The following CACNA1C variants were observed in gnomAD, a reference collection of about 807,000 sequenced individuals.
The protein encoded by CACNA1C is voltage-dependent L-type calcium channel subunit alpha-1C.
In CACNA1C, 30 loss-of-function variants were observed where a neutral mutation model predicts 229.0. That is an observed-to-expected ratio of 0.13 (90% CI 0.10 to 0.18). CACNA1C has a LOEUF of 0.18. CACNA1C is among the 10% of genes least tolerant of loss of function. The pLI is 1.00. For missense variants in CACNA1C, 1,658 were observed against 2,845.0 expected (o/e 0.58, Z 9.49); for synonymous variants, 1,114 against 1,132.5 (o/e 0.98, Z 0.33).
intron 8 of CACNA1C, among the ~76,000 whole-genome samples, chr12:2,510,915 A>ATC: frequency 6.6e-6 from 1 of 152,220 alleles, no homozygotes; most frequent in Non-Finnish European, 1.5e-5. Context: ...CGAAGGCTTA[A>ATC]CCAGGTACAG....
At chr12:2,188,645 G>A (rs2097118107) in intron 3 of CACNA1C, among the ~76,000 whole-genome samples, 1 of 151,902 alleles carries the variant, frequency 6.6e-6, no homozygotes, top group African/African-American at 2.4e-5. Flanking sequence ...ATTGATATTC[G>A]GTTTTTAGGC....
intron 1 of CACNA1C, among the ~76,000 whole-genome samples, chr12:2,100,685 G>A (rs1395172331): frequency 6.6e-6 from 1 of 151,504 alleles, no homozygotes; most frequent in Admixed American, 6.6e-5. Flanking sequence ...TGAGCCCAGG[G>A]AGGTTGAGGC....
In CACNA1C at chr12:2,115,249, C is replaced by A. The variant is rs773869181; in HGVS notation, c.75C>A (p.Pro25=). 6.3e-7 allele frequency: 1 copy of A among 1,583,644 alleles called. No homozygotes were observed. The highest frequency in any genetic ancestry group is 2.3e-5 in the East Asian group (1 of 43,508). The change falls in exon 2 of 47, where the codon CCC becomes CCA. Residue 25 remains proline, a synonymous_variant. Coordinates refer to ENST00000399655, the MANE Select transcript of CACNA1C (RefSeq NM_000719.7). ...GTTCCAACTATGGGAGCCCACGCCC[C>A]GCCCATGCCAACATGAATGCCAATG... The part of the protein sequence containing the change: ...HQGSNYGSPR[P]AHANMNANAA...
intron 1 of CACNA1C, chr12:1,993,508 T>C (rs1593255034): frequency 2.3e-6 from 3 of 1,278,324 alleles, no homozygotes; most frequent in South Asian, 1.5e-5. Context: ...TGCAGCTTTA[T>C]ATAAGCAGCC....
At chr12:2,672,992 G>T (rs890600602) in intron 38 of CACNA1C, among the ~76,000 whole-genome samples, 3 of 152,140 alleles carry the variant, frequency 2.0e-5, no homozygotes, top group African/African-American at 7.2e-5. Flanking sequence ...TCGGGATTCC[G>T]TCAATCCCTC....
intron 3 of CACNA1C, among the ~76,000 whole-genome samples, chr12:2,382,734 G>T (rs988691000): frequency 6.6e-6 from 1 of 152,148 alleles, no homozygotes; most frequent in African/African-American, 2.4e-5. Flanking sequence ...AATGTATTTT[G>T]CCCTGGGCAC....
chr12:1,983,621 A>G (rs764329746), intron 1 of CACNA1C, among the ~76,000 whole-genome samples: 39 of 152,008 alleles, frequency 2.6e-4, no homozygotes, highest in Non-Finnish European at 5.4e-4. Context: ...AAAATTTTTA[A>G]GGTTTGCTTT....
chr12:2,393,332 G>A (rs888691527), intron 3 of CACNA1C, among the ~76,000 whole-genome samples: 31 of 152,300 alleles, frequency 2.0e-4, no homozygotes, highest in African/African-American at 7.2e-4. Flanking sequence ...CTAGCTCTAG[G>A]CCTGGACCAT....
chr12:2,624,047 T>C (rs948514887), intron 29 of CACNA1C, among the ~76,000 whole-genome samples: 4 of 152,044 alleles, frequency 2.6e-5, no homozygotes, highest in Admixed American at 2.0e-4. Flanking sequence ...CAGTGAGAGG[T>C]GCTGGGCCCT....
chr12:2,271,771 C>G (rs966639266), intron 3 of CACNA1C, among the ~76,000 whole-genome samples: 8 of 151,970 alleles, frequency 5.3e-5, no homozygotes, highest in Admixed American at 1.3e-4. Context: ...TGGTGCATGC[C>G]TGTAGTCCCA....
intron 9 of CACNA1C, among the ~76,000 whole-genome samples, chr12:2,528,883 T>C (rs539329271): frequency 1.3e-4 from 20 of 152,204 alleles, no homozygotes; most frequent in African/African-American, 3.1e-4. Flanking sequence ...TGAGGATGGA[T>C]GTTTGGGCCC....
At chr12:2,236,371 C>T (rs939612459) in intron 3 of CACNA1C, among the ~76,000 whole-genome samples, 1 of 152,196 alleles carries the variant, frequency 6.6e-6, no homozygotes, top group Non-Finnish European at 1.5e-5. Flanking sequence ...ACTAATTTCA[C>T]TGTCAGATTG....
intron 3 of CACNA1C, among the ~76,000 whole-genome samples, chr12:2,220,323 A>G (rs1484871970): frequency 6.6e-6 from 1 of 152,228 alleles, no homozygotes; most frequent in Non-Finnish European, 1.5e-5. Flanking sequence ...AGGCCTGTGC[A>G]TGCTAACGCA....
chr12:2,377,597 A>G (rs1397307927), intron 3 of CACNA1C, among the ~76,000 whole-genome samples: 1 of 152,180 alleles, frequency 6.6e-6, no homozygotes, highest in Non-Finnish European at 1.5e-5. Flanking sequence ...GAAACACCCC[A>G]TACCTCCTTC....
chr12:2,069,861 A>T (rs562162690), intron 1 of CACNA1C, among the ~76,000 whole-genome samples: 1 of 152,270 alleles, frequency 6.6e-6, no homozygotes, highest in East Asian at 1.9e-4. Flanking sequence ...TCTGTTGTCC[A>T]GGCTGGAGTG....
rs565686942 is a variant in CACNA1C at position 2,524,940 on chromosome 12, C to T, written c.1390+11956C>T. On this transcript the variant is annotated intron_variant, in intron 9 of 46. Transcript: ENST00000399655. ...GCAGCAGGTCACACGGCCAAAAGAT[C>T]GCAACCGGACCTTCTAAGCTGAGGG... is the stretch of plus-strand genomic sequence containing the variant. Among the ~76,000 whole-genome samples the T allele has an allele frequency of 7.6e-4, 116 of 152,292 alleles. No homozygotes were observed. The South Asian group carries it at 0.013, about 17-fold the overall frequency.
intron 13 of CACNA1C, among the ~76,000 whole-genome samples, chr12:2,577,757 G>A (rs193097813): frequency 3.2e-3 from 491 of 152,322 alleles, no homozygotes; most frequent in Non-Finnish European, 6.1e-3. Flanking sequence ...CACCTGCTTT[G>A]GGCCAGGCAC....
rs150702281 is a variant in CACNA1C at position 2,607,695 on chromosome 12, G to A, written c.3356+565G>A. 1.1e-4 allele frequency among the ~76,000 whole-genome samples: 16 copies of A among 152,366 alleles called. No homozygotes were observed. The East Asian group carries it at 2.7e-3, about 26-fold the overall frequency. ...GAGCAGCCCGTGGGCCTTGCACGCT[G>A]CATCACCTCTACCAGGCAGCTTCCC... On this transcript the variant is annotated intron_variant, in intron 26 of 46. Transcript: ENST00000399655.
intron 3 of CACNA1C, among the ~76,000 whole-genome samples, chr12:2,246,569 C>T (rs2073339726): frequency 6.6e-6 from 1 of 152,148 alleles, no homozygotes; most frequent in Admixed American, 6.5e-5. Context: ...GCAATTCATA[C>T]CGTTGTTGTC....
Sources: gnomAD v4.1 joint callset for allele counts (sites outside exome capture counted in the v4.1 genomes callset) on GRCh38, gnomAD v4.1.1 for gene constraint, MANE v1.5 for transcripts, NCBI Gene and HGNC (gene_info 2026-07-23, HGNC 2026-07-21) for gene names.